The following SLC18A1 variants were observed in gnomAD, a reference collection of about 807,000 sequenced individuals.
The protein encoded by SLC18A1 is solute carrier family 18 member A1.
In SLC18A1, 69 loss-of-function variants were observed where a neutral mutation model predicts 53.7. The observed-to-expected ratio is 1.28, with a 90% CI of 1.06 to 1.57. The LOEUF (loss-of-function observed/expected upper bound fraction) is 1.57, where lower values mean the gene tolerates loss of function less well. Ranked by LOEUF, SLC18A1 falls within the 40% of genes most tolerant of loss-of-function variation. SLC18A1 has a pLI of 0.00. For missense variants in SLC18A1, 932 were observed against 668.1 expected, an observed-to-expected ratio of 1.40 and a Z score of -4.35; for synonymous variants, 320 against 248.1, an observed-to-expected ratio of 1.29 and a Z score of -2.72.
chr8:20,153,735 G>A (rs1308997694), intron 10 of SLC18A1, among the ~76,000 whole-genome samples: 2 of 152,128 alleles, frequency 1.3e-5, no homozygotes, highest in African/African-American at 2.4e-5. Flanking sequence ...CAGTGAATTG[G>A]TGATCCCAGT....
In SLC18A1 at chr8:20,179,198, G is replaced by C. The variant is rs750057439; in HGVS notation, c.411C>G (p.Thr137=). The C allele has an allele frequency of 1.2e-6, 2 of 1,614,010 alleles. No individual in the cohort carries two copies. Among genetic ancestry groups the C allele is most frequent in the African/African-American group, 2.7e-5 (2 of 74,898 alleles). The change falls in exon 3 of 16, where the codon ACC becomes ACG. Residue 137 remains threonine (T), a synonymous_variant. Coordinates refer to ENST00000276373, the MANE Select transcript of SLC18A1 (RefSeq NM_003053.4). ...TTGAAGCAAACAGAACCCCGACCCG[G>C]GTAATCTCTTCCTCCAAGAAACCTG... ...QGTGFLEEEI[T]RVGVLFASKA... is the part of the protein sequence containing the mutation.
At chr8:20,158,186 C>T (rs1418827902) in intron 10 of SLC18A1, among the ~76,000 whole-genome samples, 1 of 152,190 alleles carries the variant, frequency 6.6e-6, no homozygotes, top group Non-Finnish European at 1.5e-5. Flanking sequence ...GACACTGGTG[C>T]AGCCTTCTCA....
intron 4 of SLC18A1, chr8:20,175,324 AG>A (rs1404995111): frequency 6.6e-6 from 1 of 152,222 alleles, no homozygotes; most frequent in Non-Finnish European, 1.5e-5. Flanking sequence ...CAATCCTCAC[AG>A]GGTCCTGAGT....
At position 20,147,493 on chromosome 8, in the gene SLC18A1, G is replaced by A; in HGVS notation, c.1331-102C>T. On this transcript the variant is annotated intron_variant, in intron 14 of 15. Transcript: ENST00000276373. ...AGGGGCAGTGGGTGACCCAGAGGATGTCTCAGCGTCAAAGATCTCCAGAAC... is the reference window on the plus strand; with the variant it reads ...AGGGGCAGTGGGTGACCCAGAGGATATCTCAGCGTCAAAGATCTCCAGAAC... 14 of 1,569,950 alleles carry A rather than the reference G, an allele frequency of 8.9e-6. 2 individuals carry two copies. The South Asian group carries it at 1.5e-4, about 17-fold the overall frequency.
chr8:20,153,666 CAA>C (rs56952100), intron 10 of SLC18A1, among the ~76,000 whole-genome samples: 1 of 128,204 alleles, frequency 7.8e-6, no homozygotes. Flanking sequence ...GACTCTGTCT[CAA>C]AAAAAAAAAG....
At chr8:20,153,513 T>TA (rs1269027582) in intron 10 of SLC18A1, among the ~76,000 whole-genome samples, 2 of 151,890 alleles carry the variant, frequency 1.3e-5, no homozygotes, top group Admixed American at 6.6e-5. Flanking sequence ...CCATCTCTAC[T>TA]AAAAAATACA....
intron 7 of SLC18A1, 128 bp downstream of exon 7, chr8:20,171,277 C>T (rs1428899570): frequency 8.9e-5 from 116 of 1,303,090 alleles, no homozygotes; most frequent in South Asian, 6.6e-4. Flanking sequence ...TTTTCTACAA[C>T]GGGGCAGTCC....
At chr8:20,153,972 T>A (rs1481985940) in intron 10 of SLC18A1, among the ~76,000 whole-genome samples, 1 of 152,174 alleles carries the variant, frequency 6.6e-6, no homozygotes, top group Non-Finnish European at 1.5e-5. Flanking sequence ...AATGAATCCC[T>A]CGTGAATGGC....
chr8:20,147,892 T>C, intron 13 of SLC18A1, 115 bp downstream of exon 13: 1 of 1,436,780 alleles, frequency 7.0e-7, no homozygotes, highest in Non-Finnish European at 9.5e-7. Flanking sequence ...CCAGCTGCCC[T>C]CCTGATCCTT....
rs745428227 is a variant in SLC18A1, at chr8:20,147,293, A to T, written c.1429T>A (p.Tyr477Asn). The change falls in exon 15 of 16, where the codon TAC (tyrosine) becomes AAC (asparagine). Residue 477 changes from tyrosine (Y) to asparagine (N), a missense_variant. Tyr to Asn is a moderately radical substitution (Grantham distance 143). Transcript: ENST00000276373. ...INIVYAPLCY[Y>N]LRSPPAKEEK... is the part of the protein sequence containing the mutation. ...TCCTTTGCCGGGGGGCTCCGCAGGT[A>T]GTAGCAGAGTGGAGCATAGACGATG... 8 of 1,612,334 alleles carry T rather than the reference A, an allele frequency of 5.0e-6. No individual in the cohort carries two copies. The African/African-American group carries it at 1.1e-4, about 22-fold the overall frequency.
At chr8:20,180,138 G>GTGTGTGTGTGTGTA (rs1277169914) in intron 2 of SLC18A1, among the ~76,000 whole-genome samples, 4 of 151,932 alleles carry the variant, frequency 2.6e-5, no homozygotes, top group African/African-American at 9.7e-5. Context: ...GTGTGTGTGT[G>GTGTGTGTGTGTGTA]TGTGTTTCCC....
chr8:20,155,482 A>T (rs953851082), intron 10 of SLC18A1, among the ~76,000 whole-genome samples: 1 of 152,152 alleles, frequency 6.6e-6, no homozygotes, highest in East Asian at 1.9e-4. Flanking sequence ...TTCTTGGGGG[A>T]AGCCGAAGGC....
At chr8:20,149,610 C>G (rs867562150) in intron 12 of SLC18A1, 66 bp downstream of exon 12, 150 of 1,238,142 alleles carry the variant, frequency 1.2e-4, no homozygotes, top group Non-Finnish European at 1.5e-4. Flanking sequence ...CTCTCTCTCT[C>G]TCTCTCTGTC....
At position 20,149,720 on chromosome 8, in the gene SLC18A1, A is replaced by G; in HGVS notation, c.1102T>C (p.Cys368Arg). Residue 368 changes from cysteine to arginine, a missense_variant, in exon 12 of 16, where the codon TGT becomes CGT. Cys to Arg is a radical substitution (Grantham distance 180, BLOSUM62 -3). Coordinates refer to ENST00000276373, the MANE Select transcript of SLC18A1 (RefSeq NM_003053.4). ...ACTACCAGCATCCCGATTAGGGAACACAGCCACCTGGAAGAAAAAAGCCAT... is the reference window on the plus strand; with the variant it reads ...ACTACCAGCATCCCGATTAGGGAACGCAGCCACCTGGAAGAAAAAAGCCAT... Reference protein sequence around the residue: ...VLANKMGRWLCSLIGMLVVGT... With the variant: ...VLANKMGRWLRSLIGMLVVGT... 6.2e-7 allele frequency: 1 copy of G among 1,613,798 alleles called. No homozygotes were observed. Among genetic ancestry groups the G allele is most frequent in the East Asian group, 2.2e-5 (1 of 44,862 alleles).
At chr8:20,153,252 C>G (rs978259975) in intron 10 of SLC18A1, among the ~76,000 whole-genome samples, 1 of 152,038 alleles carries the variant, frequency 6.6e-6, no homozygotes, top group African/African-American at 2.4e-5. Flanking sequence ...GGCTCAGTTA[C>G]AGACAAGGAG....
In SLC18A1 at chr8:20,147,279, G is replaced by T; in HGVS notation, c.1443C>A (p.Pro481=). Residue 481 remains proline (P), a synonymous_variant, in exon 15 of 16, where the codon CCC becomes CCA. Coordinates refer to ENST00000276373, the MANE Select transcript of SLC18A1 (RefSeq NM_003053.4). The part of the protein sequence containing the change: ...YAPLCYYLRS[P]PAKEEKLAIL... ...TTACAAGCTTCTCTTCCTTTGCCGGGGGGCTCCGCAGGTAGTAGCAGAGTG... is the reference window on the plus strand; with the variant it reads ...TTACAAGCTTCTCTTCCTTTGCCGGTGGGCTCCGCAGGTAGTAGCAGAGTG... 6.2e-7 allele frequency: 1 copy of T among 1,606,642 alleles called. No individual in the cohort carries two copies. The highest frequency in any genetic ancestry group is 8.5e-7 in the Non-Finnish European group (1 of 1,177,992).
Position 20,179,177 on chromosome 8 carries a change from A to G in SLC18A1, c.432T>C (p.Ala144=). The G allele has an allele frequency of 6.2e-7, 1 of 1,614,138 alleles. No homozygotes were observed. The highest frequency in any genetic ancestry group is 8.5e-7 in the Non-Finnish European group (1 of 1,180,006). ...EEITRVGVLF[A]SKAVMQLLVN... ...CCAGAAGTTGCATCACAGCCTTTGAAGCAAACAGAACCCCGACCCGGGTAA... is the reference window on the plus strand; with the variant it reads ...CCAGAAGTTGCATCACAGCCTTTGAGGCAAACAGAACCCCGACCCGGGTAA... Residue 144 remains alanine (A), a synonymous_variant, in exon 3 of 16, where the codon GCT becomes GCC. Coordinates refer to ENST00000276373, the MANE Select transcript of SLC18A1 (RefSeq NM_003053.4).
intron 4 of SLC18A1, among the ~76,000 whole-genome samples, chr8:20,176,290 T>C (rs945229675): frequency 3.3e-5 from 5 of 152,170 alleles, no homozygotes; most frequent in African/African-American, 1.2e-4. Context: ...CTCTCATCTC[T>C]GCACAGCCAG....
chr8:20,177,319 T>C (rs2128879691), intron 4 of SLC18A1, among the ~76,000 whole-genome samples: 1 of 152,242 alleles, frequency 6.6e-6, no homozygotes, highest in Middle Eastern at 3.4e-3. Flanking sequence ...TTGCTAGGAA[T>C]CAAGTTCTGT....
Sources: allele counts gnomAD v4.1 joint callset (sites outside exome capture counted in the v4.1 genomes callset), GRCh38; gene constraint gnomAD v4.1.1; transcripts MANE v1.5; gene names NCBI Gene and HGNC (gene_info 2026-07-23, HGNC 2026-07-21).